TNRC6A: variants seen among roughly 807,000 people sequenced by gnomAD.
TNRC6A encodes trinucleotide repeat containing adaptor 6A.
In TNRC6A, 44 loss-of-function variants were observed where a neutral mutation model predicts 221.2. The observed-to-expected ratio is 0.20, with a 90% CI of 0.16 to 0.26. The LOEUF is 0.26. Ranked by LOEUF, TNRC6A falls within the 10% of genes least tolerant of loss-of-function variation. TNRC6A has a pLI of 1.00. For missense variants in TNRC6A, 2,199 were observed against 2,404.4 expected, an observed-to-expected ratio of 0.91 and a Z score of 1.79; for synonymous variants, 847 against 838.5, an observed-to-expected ratio of 1.01 and a Z score of -0.18.
chr16:24,611,859 G>GAGGC (rs1900070352), intron 1 of TNRC6A, among the ~76,000 whole-genome samples: 1 of 152,068 alleles, frequency 6.6e-6, no homozygotes, highest in African/African-American at 2.4e-5. Context: ...TTGGGAGGCT[G>GAGGC]AGGCAGGCAG....
chr16:24,751,537 A>G (rs983105049), intron 3 of TNRC6A, among the ~76,000 whole-genome samples: 2 of 152,214 alleles, frequency 1.3e-5, no homozygotes, highest in Non-Finnish European at 2.9e-5. Context: ...AAACAATTGT[A>G]TTAGTATTGT....
In TNRC6A at chr16:24,723,591, C is replaced by CAAA. The variant is rs71383707; in HGVS notation, n.403-27122_403-27120dup. Among the ~76,000 whole-genome samples, 158 of 140,378 alleles carry CAAA rather than the reference C, an allele frequency of 1.1e-3. 4 individuals are homozygous for CAAA. The highest frequency in any genetic ancestry group is 3.1e-3 in the Admixed American group (43 of 14,068). 92.1% of individuals were successfully genotyped at this position (140,378 alleles called of 152,430 possible). On this transcript the variant is annotated intron_variant and non_coding_transcript_variant, in intron 2 of 2. Transcript: ENST00000566108. The stretch of plus-strand genomic sequence containing the variant: ...ACTGGGTGACAGAGCAAGACTCTGT[C>CAAA]AAAAAAAAAAAAAAAGTCAGTGGCT...
chr16:24,720,730 A>G (rs1044598382), intron 2 of TNRC6A, among the ~76,000 whole-genome samples: 4 of 147,988 alleles, frequency 2.7e-5, no homozygotes, highest in African/African-American at 1.0e-4. Context: ...AAAAAAAAAG[A>G]AAAAAGAAAA....
At chr16:24,759,680 G>T (rs1163183543) in intron 4 of TNRC6A, among the ~76,000 whole-genome samples, 1 of 152,110 alleles carries the variant, frequency 6.6e-6, no homozygotes, top group African/African-American at 2.4e-5. Context: ...ATTTAACTTT[G>T]CCAGTAGTGC....
At chr16:24,776,870 C>G in intron 4 of TNRC6A, 63 bp from the exon 5 acceptor site, 1 of 1,539,782 alleles carries the variant, frequency 6.5e-7, no homozygotes, top group South Asian at 1.3e-5. Context: ...ATTTAGATGG[C>G]TTACTTTGGA....
intron 1 of TNRC6A, among the ~76,000 whole-genome samples, chr16:24,632,304 T>G (rs534502038): frequency 6.6e-6 from 1 of 152,086 alleles, no homozygotes; most frequent in Non-Finnish European, 1.5e-5. Context: ...GAATTCTTGA[T>G]TTCCCCTCAA....
At chr16:24,714,221 T>G (rs1442779255) in intron 2 of TNRC6A, among the ~76,000 whole-genome samples, 3 of 152,080 alleles carry the variant, frequency 2.0e-5, no homozygotes, top group African/African-American at 7.2e-5. Context: ...TTTTCCTGTC[T>G]TCTTCGCTTT....
intron 6 of TNRC6A, 170 bp from the exon 7 acceptor site, chr16:24,793,302 CT>C: frequency 2.3e-6 from 1 of 425,670 alleles, no homozygotes; most frequent in Non-Finnish European, 4.0e-6. Flanking sequence ...AATAGTTTGT[CT>C]TTTTTTAACA....
intron 4 of TNRC6A, among the ~76,000 whole-genome samples, chr16:24,771,571 G>GTTGTTATGTT (rs879783845): frequency 5.3e-5 from 6 of 114,036 alleles, no homozygotes; most frequent in Non-Finnish European, 9.1e-5. Flanking sequence ...TTTATGTTAT[G>GTTGTTATGTT]TTATGTTATG....
chr16:24,691,099 C>G (rs546216187), intron 2 of TNRC6A, among the ~76,000 whole-genome samples: 2 of 152,134 alleles, frequency 1.3e-5, no homozygotes, highest in East Asian at 3.9e-4. Flanking sequence ...CCTGAGCCAC[C>G]GCACCTGGCC....
rs1475736868 is a variant in TNRC6A, at chr16:24,825,030, C to T, written c.*1223C>T. ...TCAAGTGGCTCCATATGTTTCTGCTCTCTCGTGACTGTGTTAATGTTTAAC... is the reference window on the plus strand; with the variant it reads ...TCAAGTGGCTCCATATGTTTCTGCTTTCTCGTGACTGTGTTAATGTTTAAC... On this transcript the variant is annotated 3_prime_UTR_variant, in exon 25 of 25. Transcript: ENST00000395799. 6.6e-6 allele frequency: 1 copy of T among 152,582 alleles called. No individual in the cohort carries two copies. The allele number at this position is 152,582 out of a possible 1,614,324, so 9.5% of individuals were successfully genotyped here. A position where few individuals can be genotyped will look rare whatever the true frequency, so the allele number is the denominator to read the frequency against.
Position 24,797,354 on chromosome 16 carries a change from G to C in TNRC6A, c.3562-136G>C. ...TTGATTTTTAATTATTAACAACTCT[G>C]ATAAGAGTTGATTGGAGGAGAAATT... On this transcript the variant is annotated intron_variant, in intron 9 of 24. Transcript: ENST00000395799. 3 of 593,732 alleles carry C rather than the reference G, an allele frequency of 5.1e-6. No homozygotes were observed. In the South Asian group the frequency reaches 8.0e-5, roughly 16 times the overall value. The allele number at this position is 593,732 out of a possible 1,614,324, so 36.8% of individuals were successfully genotyped here. A position where few individuals can be genotyped will look rare whatever the true frequency, so the allele number is the denominator to read the frequency against.
At chr16:24,636,372 A>ATT (rs34517197) in intron 1 of TNRC6A, among the ~76,000 whole-genome samples, 17 of 140,316 alleles carry the variant, frequency 1.2e-4, no homozygotes, top group East Asian at 2.0e-4. Flanking sequence ...GGACTTTGTG[A>ATT]TTTTTTTTTT....
intron 1 of TNRC6A, among the ~76,000 whole-genome samples, chr16:24,628,314 G>T (rs1317383986): frequency 6.6e-6 from 1 of 152,004 alleles, no homozygotes; most frequent in Non-Finnish European, 1.5e-5. Flanking sequence ...CAGCTACTTG[G>T]GGGACTGAGG....
intron 2 of TNRC6A, among the ~76,000 whole-genome samples, chr16:24,722,864 A>G (rs1167473428): frequency 6.6e-6 from 1 of 152,198 alleles, no homozygotes; most frequent in African/African-American, 2.4e-5. Context: ...AGACAAAGAA[A>G]GCAGATTAGA....
At chr16:24,630,428 C>T (rs1158224272) in intron 1 of TNRC6A, among the ~76,000 whole-genome samples, 1 of 152,156 alleles carries the variant, frequency 6.6e-6, no homozygotes, top group Non-Finnish European at 1.5e-5. Context: ...CTTTGGGAGG[C>T]AGAGGCAGGA....
chr16:24,683,039 A>G (rs1335265193), intron 2 of TNRC6A, among the ~76,000 whole-genome samples: 2 of 152,190 alleles, frequency 1.3e-5, no homozygotes, highest in Non-Finnish European at 2.9e-5. Context: ...GGAGGCTCCA[A>G]TGCCCTGGGC....
intron 12 of TNRC6A, 145 bp from the exon 13 acceptor site, chr16:24,804,560 A>G: frequency 7.7e-7 from 1 of 1,299,496 alleles, no homozygotes; most frequent in South Asian, 1.6e-5. Flanking sequence ...CTCTAGAATT[A>G]ACACTAATCC....
intron 2 of TNRC6A, among the ~76,000 whole-genome samples, chr16:24,744,273 A>G (rs1202109400): frequency 6.6e-6 from 1 of 152,084 alleles, no homozygotes; most frequent in Non-Finnish European, 1.5e-5. Flanking sequence ...TGCTTGGGTG[A>G]GGTGGTCTCT....
Sources: gnomAD v4.1 joint callset for allele counts (sites outside exome capture counted in the v4.1 genomes callset) on GRCh38, gnomAD v4.1.1 for gene constraint, MANE v1.5 for transcripts, NCBI Gene and HGNC (gene_info 2026-07-23, HGNC 2026-07-21) for gene names.